ABCG4: variants seen among roughly 807,000 people sequenced by gnomAD.
ABCG4 encodes the protein ATP binding cassette subfamily G member 4.
A neutral mutation model predicts 64.6 loss-of-function variants in ABCG4; 35 were observed. The ratio of observed to expected loss-of-function variants is 0.54; its 90% CI spans 0.41 to 0.72. The LOEUF is 0.72. Among genes scored for constraint, ABCG4 ranks in the 30% least tolerant of loss-of-function variants. ABCG4 has a pLI of 0.00. For missense variants in ABCG4, 610 were observed against 846.3 expected (o/e 0.72, Z 3.46); for synonymous variants, 326 against 348.2 (o/e 0.94, Z 0.71).
chr11:119,157,152 C>G, intron 9 of ABCG4, 138 bp downstream of exon 9: 1 of 1,201,040 alleles, frequency 8.3e-7, no homozygotes, highest in Non-Finnish European at 1.1e-6. Flanking sequence ...GACTTGGAAT[C>G]GACCTACTAG....
Position 119,150,063 on chromosome 11 carries a change from T to C in ABCG4, c.98T>C (p.Leu33Pro). 6.2e-7 allele frequency: 1 copy of C among 1,614,064 alleles called. No homozygotes were observed. Among genetic ancestry groups the C allele is most frequent in the Non-Finnish European group, 8.5e-7 (1 of 1,180,012 alleles). ...GAGGACGGGGCGGAACCCCCTGTGC[T>C]GACCACGCACCTGAAGAAGGTGGAG... ...TLEDGAEPPV[L>P]TTHLKKVENH... is the part of the protein sequence containing the mutation. Residue 33 changes from leucine to proline, a missense_variant, in exon 2 of 15, where the codon CTG becomes CCG. Physicochemically the swap from Leu to Pro is moderately conservative, Grantham distance 98. Transcript: ENST00000619701. This position sits in a 1 kb window ranked among gnomAD's most constrained non-coding sequence, Gnocchi z 4.3.
intron 12 of ABCG4, among the ~76,000 whole-genome samples, chr11:119,159,988 G>A (rs532590012): frequency 2.6e-5 from 4 of 152,040 alleles, no homozygotes; most frequent in Middle Eastern, 3.4e-3. Context: ...AAGAGTCACC[G>A]TGCCTGAAGC....
intron 2 of ABCG4, 93 bp from the exon 3 acceptor site, chr11:119,153,932 CT>C: frequency 9.6e-7 from 1 of 1,046,538 alleles, no homozygotes; most frequent in Non-Finnish European, 1.5e-6. Context: ...TAGGGGCTAC[CT>C]ATTTCACTGA....
chr11:119,150,563 G>A lies in ABCG4; in HGVS notation c.238+360G>A, dbSNP rs887191163. Reference sequence around the variant, plus strand: ...AAAAAGTAGGGGGCTGTGTCTGCAGGGTTGAGCAATACCCTTGGACCTAAT... The same window carrying A: ...AAAAAGTAGGGGGCTGTGTCTGCAGAGTTGAGCAATACCCTTGGACCTAAT... On this transcript the variant is annotated intron_variant, in intron 2 of 14. Coordinates refer to ENST00000619701, the MANE Select transcript of ABCG4 (RefSeq NM_022169.5). The surrounding 1 kb of genome is among the most constrained non-coding windows in gnomAD (Gnocchi z 4.3). Among the ~76,000 whole-genome samples, 1 of 152,144 alleles carries A rather than the reference G, an allele frequency of 6.6e-6. No individual in the cohort carries two copies. The highest frequency in any genetic ancestry group is 2.1e-4 in the South Asian group (1 of 4,836).
rs566503675 is a variant in ABCG4, at chr11:119,161,333, C to A, written c.*227C>A. 5.0e-5 allele frequency: 26 copies of A among 525,100 alleles called. 1 individual carries two copies. Among genetic ancestry groups the A allele is most frequent in the Non-Finnish European group, 8.6e-5 (25 of 292,362 alleles). The allele number at this position is 525,100 out of a possible 1,614,324, so 32.5% of individuals were successfully genotyped here. A position where few individuals can be genotyped will look rare whatever the true frequency, so the allele number is the denominator to read the frequency against. On this transcript the variant is annotated 3_prime_UTR_variant, in exon 15 of 15. Transcript: ENST00000619701. Reference sequence around the variant, plus strand: ...GCCCAGGAGTCTTCCCAAGTTGATGCGGTTTGTAGCTTCCTCCCTACTCTC... The same window carrying A: ...GCCCAGGAGTCTTCCCAAGTTGATGAGGTTTGTAGCTTCCTCCCTACTCTC...
chr11:119,152,407 C>T (rs1948205174), intron 2 of ABCG4, among the ~76,000 whole-genome samples: 1 of 152,200 alleles, frequency 6.6e-6, no homozygotes. Flanking sequence ...AAGCCGGGCC[C>T]AGAACACAGT....
chr11:119,156,829 G>A lies in ABCG4; in HGVS notation c.926-43G>A. On this transcript the variant is annotated intron_variant, in intron 8 of 14. Transcript: ENST00000619701. This position sits in a 1 kb window ranked among gnomAD's most constrained non-coding sequence, Gnocchi z 5.5. ...GGCGGGACTGACTTGCCCTTGGGAA[G>A]TGAGTGTGAATCTAAACTGAGCTCT... 6.3e-7 allele frequency: 1 copy of A among 1,593,510 alleles called. No individual in the cohort carries two copies. The highest frequency in any genetic ancestry group is 1.7e-5 in the Admixed American group (1 of 58,570).
In ABCG4 at chr11:119,158,103, C is replaced by A. The variant is rs626776; in HGVS notation, c.1069-131C>A. On this transcript the variant is annotated intron_variant, in intron 9 of 14. Transcript: ENST00000619701. This position sits in a 1 kb window ranked among gnomAD's most constrained non-coding sequence, Gnocchi z 4.5. Reference sequence around the variant, plus strand: ...CTTTCAGGTACACAACTTAATGGTACAAGATTCTCTGTAGACCTGGAGGAC... The same window carrying A: ...CTTTCAGGTACACAACTTAATGGTAAAAGATTCTCTGTAGACCTGGAGGAC... 1 of 725,886 alleles carries A rather than the reference C, an allele frequency of 1.4e-6. No individual in the cohort carries two copies. Among genetic ancestry groups the A allele is most frequent in the Admixed American group, 2.4e-5 (1 of 41,806 alleles). 45.0% of individuals were successfully genotyped at this position (725,886 alleles called of 1,614,324 possible). A position where few individuals can be genotyped will look rare whatever the true frequency, so the allele number is the denominator to read the frequency against.
At position 119,154,682 on chromosome 11, in the gene ABCG4, C is replaced by T. The variant is rs528377539; in HGVS notation, c.541-88C>T. 44 of 1,589,344 alleles carry T rather than the reference C, an allele frequency of 2.8e-5. No individual in the cohort carries two copies. In the South Asian group the frequency reaches 4.8e-4, roughly 17 times the overall value. ...TGGTGGCCTAGGCCGAGACAATGCA[C>T]TTAAGGGAGATGCTTTTTGAAGCTG... is the stretch of plus-strand genomic sequence containing the variant. On this transcript the variant is annotated intron_variant, in intron 5 of 14. Transcript: ENST00000619701. This position sits in a 1 kb window ranked among gnomAD's most constrained non-coding sequence, Gnocchi z 7.0.
intron 2 of ABCG4, chr11:119,152,871 A>T (rs1254769648): frequency 6.6e-6 from 1 of 152,088 alleles, no homozygotes; most frequent in African/African-American, 2.4e-5. Context: ...CGTCAATTCC[A>T]TTCTTTGCGT....
chr11:119,149,959 C>T lies in ABCG4; in HGVS notation c.-7C>T. On this transcript the variant is annotated 5_prime_UTR_variant, in exon 2 of 15. Coordinates refer to ENST00000619701, the MANE Select transcript of ABCG4 (RefSeq NM_022169.5). The surrounding 1 kb of genome is among the most constrained non-coding windows in gnomAD (Gnocchi z 8.3). ...AGCAGGCCCTCCCCTTGCAGGTCGGCGGCGTGATGGCGGAGAAGGCGCTGG... is the reference window on the plus strand; with the variant it reads ...AGCAGGCCCTCCCCTTGCAGGTCGGTGGCGTGATGGCGGAGAAGGCGCTGG... The T allele has an allele frequency of 6.2e-7, 1 of 1,601,954 alleles. No individual in the cohort carries two copies. The highest frequency in any genetic ancestry group is 8.5e-7 in the Non-Finnish European group (1 of 1,179,084).
chr11:119,161,283 T>C lies in ABCG4; in HGVS notation c.*177T>C. 1 of 609,316 alleles carries C rather than the reference T, an allele frequency of 1.6e-6. No homozygotes were observed. Among genetic ancestry groups the C allele is most frequent in the Non-Finnish European group, 2.9e-6 (1 of 349,244 alleles). 37.7% of individuals were successfully genotyped at this position (609,316 alleles called of 1,614,324 possible). On this transcript the variant is annotated 3_prime_UTR_variant, in exon 15 of 15. Transcript: ENST00000619701. ...GCGCTCCCAGCCTGGGCTCTGGGAG[T>C]GGGGGCTCCAGCCCTCCCCACTATG...
In ABCG4 at chr11:119,149,609, TAG is replaced by T. The variant is rs55659437; in HGVS notation, c.-13+249_-13+250del. ...CACTCACCCTGCTACCCCGACCTCC[TAG>T]AGCGGGCAGCCTCTGCCGGCTGCCT... On this transcript the variant is annotated intron_variant, in intron 1 of 14. Coordinates refer to ENST00000619701, the MANE Select transcript of ABCG4 (RefSeq NM_022169.5). This position sits in a 1 kb window ranked among gnomAD's most constrained non-coding sequence, Gnocchi z 8.3. 29,339 of 286,428 alleles carry T rather than the reference TAG, an allele frequency of 0.1. 2,212 individuals are homozygous for T. Among genetic ancestry groups the T allele is most frequent in the South Asian group, 0.29 (5,385 of 18,622 alleles). 17.7% of individuals were successfully genotyped at this position (286,428 alleles called of 1,614,324 possible). A position where few individuals can be genotyped will look rare whatever the true frequency, so the allele number is the denominator to read the frequency against.
chr11:119,158,678 C>G lies in ABCG4; in HGVS notation c.1289C>G (p.Ser430Cys). 6.2e-7 allele frequency: 1 copy of G among 1,614,154 alleles called. No homozygotes were observed. The highest frequency in any genetic ancestry group is 8.5e-7 in the Non-Finnish European group (1 of 1,180,040). Reference protein sequence around the residue: ...VFNNTGCLFFSMLFLMFAALM... With the variant: ...VFNNTGCLFFCMLFLMFAALM... The stretch of plus-strand genomic sequence containing the variant: ...AACAACACCGGCTGCCTCTTCTTCT[C>G]CATGCTGTTCCTCATGTTCGCCGCC... The change falls in exon 11 of 15, where the codon TCC becomes TGC. Residue 430 changes from serine (S) to cysteine (C), a missense_variant. Coordinates refer to ENST00000619701, the MANE Select transcript of ABCG4 (RefSeq NM_022169.5). This position sits in a 1 kb window ranked among gnomAD's most constrained non-coding sequence, Gnocchi z 4.5.
rs1447732630 is a variant in ABCG4, at chr11:119,158,202, C to T, written c.1069-32C>T. ...GTTCTGTGGGTGAATGGGGTAGGCT[C>T]ACCTGATCCCGATCCAATTTCTTCT... On this transcript the variant is annotated intron_variant, in intron 9 of 14. Transcript: ENST00000619701. This position sits in a 1 kb window ranked among gnomAD's most constrained non-coding sequence, Gnocchi z 4.5. The T allele has an allele frequency of 6.5e-6, 10 of 1,540,058 alleles. No homozygotes were observed. Among genetic ancestry groups the T allele is most frequent in the Non-Finnish European group, 8.8e-6 (10 of 1,133,978 alleles).
rs556090631 is a variant in ABCG4, at chr11:119,149,979, C to G, written c.14C>G (p.Ala5Gly). 6.2e-7 allele frequency: 1 copy of G among 1,606,910 alleles called. No homozygotes were observed. Among genetic ancestry groups the G allele is most frequent in the African/African-American group, 1.3e-5 (1 of 74,982 alleles). The change falls in exon 2 of 15, where the codon GCG (alanine) becomes GGG (glycine). Residue 5 changes from alanine (A) to glycine (G), a missense_variant. Coordinates refer to ENST00000619701, the MANE Select transcript of ABCG4 (RefSeq NM_022169.5). The surrounding 1 kb of genome is among the most constrained non-coding windows in gnomAD (Gnocchi z 8.3). MAEK[A>G]LEAVGCGLGP... ...GTCGGCGGCGTGATGGCGGAGAAGG[C>G]GCTGGAGGCCGTGGGCTGTGGACTA...
rs761463309 is a variant in ABCG4, at chr11:119,161,123, G to A, written c.*17G>A. On this transcript the variant is annotated 3_prime_UTR_variant, in exon 15 of 15. Coordinates refer to ENST00000619701, the MANE Select transcript of ABCG4 (RefSeq NM_022169.5). ...GAGAGATAGAGGCTTGCCCCAGCCTGTACCCCAGCCCCTGCAGCAGGAAGC... is the reference window on the plus strand; with the variant it reads ...GAGAGATAGAGGCTTGCCCCAGCCTATACCCCAGCCCCTGCAGCAGGAAGC... 11 of 1,605,718 alleles carry A rather than the reference G, an allele frequency of 6.9e-6. No individual in the cohort carries two copies. The South Asian group carries it at 7.7e-5, about 11-fold the overall frequency.
In ABCG4 at chr11:119,149,823, CG is replaced by C; in HGVS notation, c.-12-127del. ...GAGAGTGGGGGGCGGGGGCAGAGTG[CG>C]GGGCTAACAGTCGCGGATCTGCCCC... On this transcript the variant is annotated intron_variant, in intron 1 of 14. Transcript: ENST00000619701. The surrounding 1 kb of genome is among the most constrained non-coding windows in gnomAD (Gnocchi z 8.3). 7.4e-7 allele frequency: 1 copy of C among 1,359,524 alleles called. No homozygotes were observed. Among genetic ancestry groups the C allele is most frequent in the South Asian group, 1.4e-5 (1 of 69,242 alleles). 84.2% of individuals were successfully genotyped at this position (1,359,524 alleles called of 1,614,324 possible). A position where few individuals can be genotyped will look rare whatever the true frequency, so the allele number is the denominator to read the frequency against.
At position 119,149,793 on chromosome 11, in the gene ABCG4, G is replaced by A; in HGVS notation, c.-12-161G>A. 1 of 1,192,256 alleles carries A rather than the reference G, an allele frequency of 8.4e-7. No individual in the cohort carries two copies. The highest frequency in any genetic ancestry group is 1.5e-5 in the African/African-American group (1 of 65,166). 73.9% of individuals were successfully genotyped at this position (1,192,256 alleles called of 1,614,324 possible). A position where few individuals can be genotyped will look rare whatever the true frequency, so the allele number is the denominator to read the frequency against. On this transcript the variant is annotated intron_variant, in intron 1 of 14. Coordinates refer to ENST00000619701, the MANE Select transcript of ABCG4 (RefSeq NM_022169.5). The surrounding 1 kb of genome is among the most constrained non-coding windows in gnomAD (Gnocchi z 8.3). The stretch of plus-strand genomic sequence containing the variant: ...GGGCTGCCCGGGACTGAGCGTCTCC[G>A]TGCGGAGAGTGGGGGGCGGGGGCAG...
Sources: allele counts gnomAD v4.1 joint callset (sites outside exome capture counted in the v4.1 genomes callset), GRCh38; gene constraint gnomAD v4.1.1; non-coding constraint Gnocchi (gnomAD v3.1); transcripts MANE v1.5; gene names NCBI Gene and HGNC (gene_info 2026-07-23, HGNC 2026-07-21).